Variants in TRPC4 observed in about 807,000 individuals in gnomAD.
The protein encoded by TRPC4 is short transient receptor potential channel 4.
TRPC4 carries 49 observed loss-of-function variants against 99.4 expected under a neutral mutation model. The observed-to-expected ratio is 0.49, with a 90% CI of 0.39 to 0.63. The LOEUF (loss-of-function observed/expected upper bound fraction) is 0.63, where lower values mean the gene tolerates loss of function less well. TRPC4 is among the 20% of genes least tolerant of loss of function. The pLI, the probability that TRPC4 is intolerant of heterozygous loss-of-function variation, is 0.00. For missense variants in TRPC4, 898 were observed against 1,152.9 expected, an observed-to-expected ratio of 0.78 and a Z score of 3.20; for synonymous variants, 454 against 425.9, an observed-to-expected ratio of 1.07 and a Z score of -0.81.
rs904705494 is a variant in TRPC4 at position 37,634,569 on chromosome 13, G to T, written c.*2334C>A. 4.6e-5 allele frequency among the ~76,000 whole-genome samples: 7 copies of T among 151,896 alleles called. No individual in the cohort carries two copies. Among genetic ancestry groups the T allele is most frequent in the Non-Finnish European group, 1.0e-4 (7 of 67,948 alleles). ...CCCCTGATATAAATAAGCTACTGGGGGAAAAAAGGTTTTGTTGCTTGTACT... is the reference window on the plus strand; with the variant it reads ...CCCCTGATATAAATAAGCTACTGGGTGAAAAAAGGTTTTGTTGCTTGTACT... On this transcript the variant is annotated 3_prime_UTR_variant, in exon 11 of 11. Coordinates refer to ENST00000379705, the MANE Select transcript of TRPC4 (RefSeq NM_016179.4).
At chr13:37,662,331 C>A (rs1264753771) in intron 6 of TRPC4, among the ~76,000 whole-genome samples, 1 of 149,146 alleles carries the variant, frequency 6.7e-6, no homozygotes, top group African/African-American at 2.5e-5. Flanking sequence ...ATTATGTTTT[C>A]TTTAAGATCC....
intron 2 of TRPC4, among the ~76,000 whole-genome samples, chr13:37,780,675 G>A (rs1325282242): frequency 6.6e-6 from 1 of 152,056 alleles, no homozygotes; most frequent in Non-Finnish European, 1.5e-5. Flanking sequence ...AAACAGCCAG[G>A]CTCTAATGGG....
intron 2 of TRPC4, among the ~76,000 whole-genome samples, chr13:37,752,658 TACA>T (rs758174357): frequency 2.0e-5 from 3 of 151,968 alleles, no homozygotes; most frequent in Non-Finnish European, 4.4e-5. Context: ...GTCCTAATGT[TACA>T]GCCTTTCATT....
chr13:37,637,461 C>T lies in TRPC4; in HGVS notation c.2376G>A (p.Lys792=), dbSNP rs776480841. ...DSEGNSKDKK[K]NFSLFDLTTL... ...TGGTTAAATCAAAAAGGCTGAAATT[C>T]TTTTTCTTGTCCTTGCTATTACCTT... Residue 792 remains lysine, a synonymous_variant, in exon 11 of 11, where the codon AAG becomes AAA. Coordinates refer to ENST00000379705, the MANE Select transcript of TRPC4 (RefSeq NM_016179.4). 6.2e-7 allele frequency: 1 copy of T among 1,613,528 alleles called. No homozygotes were observed. The highest frequency in any genetic ancestry group is 1.3e-5 in the African/African-American group (1 of 74,902).
chr13:37,736,830 T>C (rs539072035), intron 3 of TRPC4, among the ~76,000 whole-genome samples: 4 of 151,584 alleles, frequency 2.6e-5, no homozygotes, highest in Non-Finnish European at 2.9e-5. Flanking sequence ...CTGGGCTCAA[T>C]TGATCCTCCC....
At chr13:37,647,733 T>C (rs1951894510) in intron 8 of TRPC4, among the ~76,000 whole-genome samples, 1 of 152,238 alleles carries the variant, frequency 6.6e-6, no homozygotes, top group South Asian at 2.1e-4. Context: ...ACAAAGTGAG[T>C]GTCACTGTTC....
intron 1 of TRPC4, among the ~76,000 whole-genome samples, chr13:37,815,707 T>C (rs1355650918): frequency 2.0e-5 from 3 of 151,868 alleles, no homozygotes; most frequent in African/African-American, 4.8e-5. Flanking sequence ...AGACAGGTCA[T>C]TGAGGCACAA....
In TRPC4 at chr13:37,637,349, T is replaced by C. The variant is rs1951564493; in HGVS notation, c.2488A>G (p.Arg830Gly). 2.5e-6 allele frequency: 4 copies of C among 1,613,714 alleles called. No individual in the cohort carries two copies. The highest frequency in any genetic ancestry group is 1.3e-5 in the African/African-American group (1 of 74,902). ...GSALVVQEPP[R>G]EKQRKVNFVT... ...AAATTCACTTTTCTCTGCTTCTCCC[T>C]GGGCGGCTCCTGAACCACCAGGGCA... is the stretch of plus-strand genomic sequence containing the variant. Residue 830 changes from arginine (R) to glycine (G), a missense_variant, in exon 11 of 11, where the codon AGG (arginine) becomes GGG (glycine). Physicochemically the swap from Arg to Gly is moderately radical, Grantham distance 125. Coordinates refer to ENST00000379705, the MANE Select transcript of TRPC4 (RefSeq NM_016179.4).
At chr13:37,754,720 T>G (rs1956051849) in intron 2 of TRPC4, among the ~76,000 whole-genome samples, 1 of 152,158 alleles carries the variant, frequency 6.6e-6, no homozygotes, top group South Asian at 2.1e-4. Flanking sequence ...TTGGCTTTTA[T>G]TCTGTCCAAA....
At chr13:37,700,916 G>A (rs1214512401) in intron 3 of TRPC4, among the ~76,000 whole-genome samples, 2 of 152,084 alleles carry the variant, frequency 1.3e-5, no homozygotes, top group Non-Finnish European at 2.9e-5. Context: ...TATCTTGGCT[G>A]ACAGATTTTC....
At chr13:37,642,168 T>C (rs945072928) in intron 8 of TRPC4, among the ~76,000 whole-genome samples, 1 of 152,132 alleles carries the variant, frequency 6.6e-6, no homozygotes, top group Non-Finnish European at 1.5e-5. Context: ...AGAATACTTC[T>C]GGTAAATTTG....
At position 37,692,071 on chromosome 13, in the gene TRPC4, C is replaced by T. The variant is rs1280934318; in HGVS notation, c.1162G>A (p.Asp388Asn). ...FLLLLASQHI[D>N]RSDLNRQGPP... ...CCTTGCCTGTTCAAGTCTGACCTGT[C>T]GATGTGCTGAGAGGCAAGCAGCAGC... Residue 388 changes from aspartate to asparagine, a missense_variant, in exon 4 of 11, where the codon GAC (aspartate) becomes AAC (asparagine). By Grantham distance (23) the Asp-to-Asn change is conservative. This residue lies in a region of TRPC4 where 274 missense variants were observed against 454.9 expected (regional missense o/e 0.60). Coordinates refer to ENST00000379705, the MANE Select transcript of TRPC4 (RefSeq NM_016179.4). 3 of 1,613,728 alleles carry T rather than the reference C, an allele frequency of 1.9e-6. No homozygotes were observed. The highest frequency in any genetic ancestry group is 1.6e-4 in the Middle Eastern group (1 of 6,084).
At chr13:37,707,824 C>T (rs1334736443) in intron 3 of TRPC4, among the ~76,000 whole-genome samples, 2 of 152,076 alleles carry the variant, frequency 1.3e-5, no homozygotes, top group African/African-American at 2.4e-5. Flanking sequence ...TGAAAGAATT[C>T]GTACAAAATT....
intron 3 of TRPC4, among the ~76,000 whole-genome samples, chr13:37,722,272 G>A (rs1224520007): frequency 6.6e-6 from 1 of 152,124 alleles, no homozygotes; most frequent in Non-Finnish European, 1.5e-5. Flanking sequence ...ATCAGCCTGG[G>A]TGTTCAATGC....
intron 1 of TRPC4, among the ~76,000 whole-genome samples, chr13:37,812,245 C>T (rs1040957562): frequency 9.4e-5 from 13 of 137,774 alleles, no homozygotes. Flanking sequence ...TAGAACATAA[C>T]TCAAGATTAT....
intron 3 of TRPC4, among the ~76,000 whole-genome samples, chr13:37,724,410 G>T (rs368914695): frequency 4.6e-5 from 7 of 152,040 alleles, no homozygotes; most frequent in African/African-American, 1.7e-4. Flanking sequence ...GGTAAAAAGG[G>T]TCTATAACTT....
chr13:37,711,549 T>C (rs1954485938), intron 3 of TRPC4, among the ~76,000 whole-genome samples: 1 of 152,066 alleles, frequency 6.6e-6, no homozygotes, highest in Non-Finnish European at 1.5e-5. Flanking sequence ...AAAATGTGAA[T>C]AAATTTGAAG....
intron 8 of TRPC4, among the ~76,000 whole-genome samples, chr13:37,647,974 C>T (rs910832003): frequency 4.6e-5 from 7 of 152,272 alleles, no homozygotes; most frequent in African/African-American, 7.2e-5. Flanking sequence ...GATGGAGTCT[C>T]GCTCTGTCAC....
At chr13:37,747,887 C>A (rs1955829817) in intron 2 of TRPC4, among the ~76,000 whole-genome samples, 1 of 152,044 alleles carries the variant, frequency 6.6e-6, no homozygotes, top group Non-Finnish European at 1.5e-5. Context: ...TACTTTTGTG[C>A]ACTTTGAGGC....
Sources: gnomAD v4.1 joint callset for allele counts (sites outside exome capture counted in the v4.1 genomes callset) on GRCh38, gnomAD v4.1.1 for gene constraint, gnomAD v4.1.1 regional missense constraint, MANE v1.5 for transcripts, NCBI Gene and HGNC (gene_info 2026-07-23, HGNC 2026-07-21) for gene names.